Variants in FAM124B observed in about 807,000 individuals in gnomAD.
The protein encoded by FAM124B is family with sequence similarity 124 member B, also known as protein FAM124B.
FAM124B carries 18 observed loss-of-function variants against 19.7 expected under a neutral mutation model. The ratio of observed to expected loss-of-function variants is 0.92; its 90% CI spans 0.63 to 1.36. The LOEUF is 1.36. Among genes scored for constraint, FAM124B ranks in the 40% most tolerant of loss-of-function variants. FAM124B has a pLI of 0.00. For missense variants in FAM124B, 540 were observed against 553.3 expected (o/e 0.98, Z 0.24); for synonymous variants, 223 against 225.2 (o/e 0.99, Z 0.09).
chr2:224,379,933 A>T lies in FAM124B; in HGVS notation c.1008T>A (p.Ser336=). 1 of 1,551,830 alleles carries T rather than the reference A, an allele frequency of 6.4e-7. No individual in the cohort carries two copies. Among genetic ancestry groups the T allele is most frequent in the Non-Finnish European group, 8.7e-7 (1 of 1,147,024 alleles). ...TTCTGGCCCCGGATTCAAGGTGATG[A>T]GAAGACAGGTGCAGGTGGGCACCCA... ...PAMGAHLHLS[S]HHLESGARMK... Residue 336 remains serine, a synonymous_variant, in exon 2 of 2, where the codon TCT becomes TCA. Transcript: ENST00000409685.
At chr2:224,394,336 CA>C (rs1689935263) in intron 1 of FAM124B, among the ~76,000 whole-genome samples, 1 of 152,146 alleles carries the variant, frequency 6.6e-6, no homozygotes, top group South Asian at 2.1e-4. Context: ...GGAATCTCTT[CA>C]TTTGAAAGAC....
intron 1 of FAM124B, among the ~76,000 whole-genome samples, chr2:224,389,066 G>A (rs1272550819): frequency 6.6e-6 from 1 of 152,162 alleles, no homozygotes; most frequent in Non-Finnish European, 1.5e-5. Context: ...CGTGTAGCTG[G>A]GATTACAGGC....
At chr2:224,396,360 C>A (rs1011326994) in intron 1 of FAM124B, among the ~76,000 whole-genome samples, 1 of 152,146 alleles carries the variant, frequency 6.6e-6, no homozygotes, top group Non-Finnish European at 1.5e-5. Context: ...CCTCCTGGGC[C>A]ACCCAGCTCA....
intron 1 of FAM124B, 94 bp from the exon 2 acceptor site, chr2:224,380,302 T>A (rs138759436): frequency 9.0e-7 from 1 of 1,115,156 alleles, no homozygotes; most frequent in Non-Finnish European, 1.3e-6. Flanking sequence ...TGCCATGCCA[T>A]GCCCATAGCA....
chr2:224,386,061 C>G (rs1689796826), intron 1 of FAM124B, among the ~76,000 whole-genome samples: 1 of 152,086 alleles, frequency 6.6e-6, no homozygotes, highest in East Asian at 1.9e-4. Context: ...AAAATCTAAG[C>G]CCTTGGATCA....
At chr2:224,380,311 C>G (rs897810403) in intron 1 of FAM124B, 103 bp from the exon 2 acceptor site, 38 of 1,031,812 alleles carry the variant, frequency 3.7e-5, no homozygotes, top group Non-Finnish European at 5.0e-5. Flanking sequence ...ATGCCCATAG[C>G]AGACTTTCAG....
chr2:224,387,993 A>G (rs1255307041), intron 1 of FAM124B, among the ~76,000 whole-genome samples: 2 of 152,222 alleles, frequency 1.3e-5, no homozygotes, highest in East Asian at 3.8e-4. Context: ...TTCTGTATAT[A>G]CCTTCTTTAA....
intron 1 of FAM124B, among the ~76,000 whole-genome samples, chr2:224,390,998 C>T (rs1454685677): frequency 1.3e-5 from 2 of 150,484 alleles, no homozygotes; most frequent in African/African-American, 2.4e-5. Context: ...CCACCGCGCC[C>T]GGCCAACAAA....
At chr2:224,396,225 C>A (rs1276413876) in intron 1 of FAM124B, among the ~76,000 whole-genome samples, 5 of 152,152 alleles carry the variant, frequency 3.3e-5, no homozygotes, top group African/African-American at 9.7e-5. Flanking sequence ...CCCCTCCCTT[C>A]ACTCCAGCCA....
At position 224,401,176 on chromosome 2, in the gene FAM124B, T is replaced by A. The variant is rs147930186; in HGVS notation, c.593A>T (p.Asp198Val). Residue 198 changes from aspartate to valine, a missense_variant, in exon 1 of 2, where the codon GAC (aspartate) becomes GTC (valine). Transcript: ENST00000409685. ...LKQLPPGMSV[D>V]PKESSVLQFK... Reference sequence around the variant, plus strand: ...CTGCAGCACCGAAGACTCTTTGGGGTCCACTGACATTCCCGGGGGCAGCTG... The same window carrying A: ...CTGCAGCACCGAAGACTCTTTGGGGACCACTGACATTCCCGGGGGCAGCTG... The A allele has an allele frequency of 6.2e-7, 1 of 1,614,068 alleles. No homozygotes were observed. The highest frequency in any genetic ancestry group is 1.3e-5 in the African/African-American group (1 of 75,000).
chr2:224,381,974 A>G (rs917204630), intron 1 of FAM124B, among the ~76,000 whole-genome samples: 3 of 152,212 alleles, frequency 2.0e-5, no homozygotes, highest in Non-Finnish European at 2.9e-5. Context: ...TCATACACAC[A>G]CACACACACT....
Position 224,401,551 on chromosome 2 carries a change from AG to A in FAM124B, c.217del (p.Leu73CysfsTer56). On this transcript the variant is annotated frameshift_variant, in exon 1 of 2. Transcript: ENST00000409685. LOFTEE classifies it high-confidence loss of function. Reference protein sequence around the residue: ...RFPGMSVLLFLHESPGEDRLF... With the variant: ...RFPGMSVLLFXHESPGEDRLF... ...CCTATCCTCTCCCGGGCTTTCGTGCAGGAAGAGCAACACGGACATCCCTGGA... is the reference window on the plus strand; with the variant it reads ...CCTATCCTCTCCCGGGCTTTCGTGCAGAAGAGCAACACGGACATCCCTGGA... The A allele has an allele frequency of 6.2e-7, 1 of 1,614,190 alleles. No individual in the cohort carries two copies. The highest frequency in any genetic ancestry group is 8.5e-7 in the Non-Finnish European group (1 of 1,180,008).
At position 224,393,688 on chromosome 2, in the gene FAM124B, G is replaced by A. The variant is rs1280399861; in HGVS notation, c.732+7349C>T. Among the ~76,000 whole-genome samples, 6 of 152,192 alleles carry A rather than the reference G, an allele frequency of 3.9e-5. No individual in the cohort carries two copies. In the East Asian group the frequency reaches 9.6e-4, roughly 24 times the overall value. ...AAGTGGGTAAAGAAGACTTGGAGGA[G>A]ACCTGGGAGGGACCTCAAGGCCATA... On this transcript the variant is annotated intron_variant, in intron 1 of 1. Coordinates refer to ENST00000409685, the MANE Select transcript of FAM124B (RefSeq NM_001122779.2).
At chr2:224,387,271 G>T (rs184134670) in intron 1 of FAM124B, among the ~76,000 whole-genome samples, 1 of 152,192 alleles carries the variant, frequency 6.6e-6, no homozygotes, top group Admixed American at 6.5e-5. Flanking sequence ...TCAGCATTAC[G>T]TGATTAACAG....
rs779280698 is a variant in FAM124B, at chr2:224,379,788, C to A, written c.1153G>T (p.Asp385Tyr). 14 of 1,551,548 alleles carry A rather than the reference C, an allele frequency of 9.0e-6. No individual in the cohort carries two copies. The African/African-American group carries it at 1.5e-4, about 17-fold the overall frequency. ...AATGGTGGCTGGCTGGTCTGTAAAT[C>A]CCTTGGAAATCCGCCAAAATAAGTC... Reference protein sequence around the residue: ...RQTYFGGFPRDLQTSQPPFCL... With the variant: ...RQTYFGGFPRYLQTSQPPFCL... Residue 385 changes from aspartate to tyrosine, a missense_variant, in exon 2 of 2, where the codon GAT (aspartate) becomes TAT (tyrosine). Physicochemically the swap from Asp to Tyr is radical, Grantham distance 160 (BLOSUM62 -3). Coordinates refer to ENST00000409685, the MANE Select transcript of FAM124B (RefSeq NM_001122779.2).
At chr2:224,386,315 C>T (rs1219036906) in intron 1 of FAM124B, among the ~76,000 whole-genome samples, 5 of 152,138 alleles carry the variant, frequency 3.3e-5, no homozygotes, top group African/African-American at 7.2e-5. Flanking sequence ...TTTCCTGAAA[C>T]TTCCTCTCAT....
chr2:224,390,158 C>CACAG (rs1368022541), intron 1 of FAM124B, among the ~76,000 whole-genome samples: 373 of 145,352 alleles, frequency 2.6e-3, no homozygotes, highest in African/African-American at 9.1e-3. Context: ...CACACACACA[C>CACAG]AGAAAAGGAA....
In FAM124B at chr2:224,401,045, G is replaced by A. The variant is rs535835244; in HGVS notation, c.724C>T (p.Leu242=). Residue 242 remains leucine, a synonymous_variant, in exon 1 of 2, where the codon CTG becomes TTG. Transcript: ENST00000409685. ...AGACAAAACAGAAATACCTGAAGCA[G>A]AATCTTGTTGCCATCGTAGTCCTGA... ...QTQDYDGNKI[L]LQVQLNPELG... 53 of 1,594,744 alleles carry A rather than the reference G, an allele frequency of 3.3e-5. No individual in the cohort carries two copies. In the Admixed American group the frequency reaches 8.2e-4, roughly 25 times the overall value.
In FAM124B at chr2:224,386,455, C is replaced by T. The variant is rs74679384; in HGVS notation, c.733-6247G>A. Among the ~76,000 whole-genome samples the T allele has an allele frequency of 9.2e-3, 1,408 of 152,296 alleles. 16 individuals carry two copies. Among genetic ancestry groups the T allele is most frequent in the African/African-American group, 0.032 (1,324 of 41,548 alleles). Reference sequence around the variant, plus strand: ...ATTTTAGACCACTTACTTAATATTTCTGTCCCTCAGTTTCCTTATATGGAA... The same window carrying T: ...ATTTTAGACCACTTACTTAATATTTTTGTCCCTCAGTTTCCTTATATGGAA... On this transcript the variant is annotated intron_variant, in intron 1 of 1. Transcript: ENST00000409685.
Sources: allele counts gnomAD v4.1 joint callset (sites outside exome capture counted in the v4.1 genomes callset), GRCh38; gene constraint gnomAD v4.1.1; transcripts MANE v1.5; gene names NCBI Gene and HGNC (gene_info 2026-07-23, HGNC 2026-07-21).